HOMER1: variants seen among roughly 807,000 people sequenced by gnomAD.
HOMER1 encodes homer protein homolog 1.
HOMER1 carries 3 observed loss-of-function variants against 48.9 expected under a neutral mutation model. The observed-to-expected ratio is 0.06, with a 90% CI of 0.03 to 0.16. The LOEUF (loss-of-function observed/expected upper bound fraction) is 0.16. HOMER1 is among the 10% of genes least tolerant of loss of function. HOMER1 has a pLI of 1.00. For synonymous variants in HOMER1, 134 were observed against 146.4 expected (o/e 0.92, Z 0.61); for missense variants, 247 against 411.4 (o/e 0.60, Z 3.46).
chr5:79,500,651 CAG>C (rs1752550903), intron 1 of HOMER1, among the ~76,000 whole-genome samples: 1 of 150,744 alleles, frequency 6.6e-6, no homozygotes, highest in South Asian at 2.1e-4. Flanking sequence ...TTTTCTGAGA[CAG>C]AGTTTCTCTG....
chr5:79,450,366 T>G (rs980118901), intron 3 of HOMER1, among the ~76,000 whole-genome samples: 9 of 152,210 alleles, frequency 5.9e-5, no homozygotes, highest in African/African-American at 2.2e-4. Flanking sequence ...GGTATAAACA[T>G]TACATGGCTT....
intron 1 of HOMER1, 57 bp from the exon 2 acceptor site, chr5:79,457,075 C>G (rs1751195223): frequency 6.6e-7 from 1 of 1,513,272 alleles, no homozygotes; most frequent in Admixed American, 1.7e-5. Context: ...TTTCACTAGA[C>G]AAGAGAACAT....
chr5:79,447,192 C>A, intron 3 of HOMER1, 47 bp from the exon 4 acceptor site: 1 of 1,148,798 alleles, frequency 8.7e-7, no homozygotes, highest in Non-Finnish European at 1.3e-6. Context: ...AAATAGGTCA[C>A]AGTGCCCACT....
At chr5:79,443,774 T>C (rs1256705974) in intron 4 of HOMER1, among the ~76,000 whole-genome samples, 1 of 152,180 alleles carries the variant, frequency 6.6e-6, no homozygotes, top group Non-Finnish European at 1.5e-5. Context: ...CTATTAAGGG[T>C]TGGAGCCCAG....
chr5:79,400,360 T>C (rs1302728425), intron 6 of HOMER1, among the ~76,000 whole-genome samples: 2 of 151,738 alleles, frequency 1.3e-5, no homozygotes, highest in African/African-American at 2.4e-5. Context: ...TCTTTCTTTT[T>C]TTTTTTTTTT....
intron 1 of HOMER1, among the ~76,000 whole-genome samples, chr5:79,503,532 G>GAAAAAAA (rs1561390633): frequency 1.1e-5 from 1 of 94,026 alleles, no homozygotes; most frequent in East Asian, 3.9e-4. Context: ...CTGTCACAAA[G>GAAAAAAA]AGAAAAAAAA....
At chr5:79,419,112 C>T (rs771630784) in intron 5 of HOMER1, among the ~76,000 whole-genome samples, 3 of 151,530 alleles carry the variant, frequency 2.0e-5, no homozygotes, top group Non-Finnish European at 2.9e-5. Flanking sequence ...GAAAGGATGT[C>T]TATATTTTTT....
intron 1 of HOMER1, among the ~76,000 whole-genome samples, chr5:79,503,359 G>A (rs955753930): frequency 8.7e-5 from 13 of 149,990 alleles, no homozygotes; most frequent in Admixed American, 1.3e-4. Flanking sequence ...ACGAAATCCC[G>A]TCTCTACTAA....
intron 1 of HOMER1, among the ~76,000 whole-genome samples, chr5:79,506,115 TA>T (rs1752759010): frequency 6.6e-6 from 1 of 152,052 alleles, no homozygotes; most frequent in African/African-American, 2.4e-5. Context: ...TTTATTTATT[TA>T]TTTATTTATT....
Position 79,500,995 on chromosome 5 carries a change from A to ACACACACAC in HOMER1, c.5+11774_5+11775insGTGTGTGTG, listed in dbSNP as rs1460147206. 3.0e-4 allele frequency among the ~76,000 whole-genome samples: 37 copies of ACACACACAC among 124,206 alleles called. No homozygotes were observed. In the East Asian group the frequency reaches 8.8e-3, roughly 29 times the overall value. 81.5% of individuals were successfully genotyped at this position (124,206 alleles called of 152,430 possible). ...ACACACACACACACACACACACACAAGGTCTGGCTCTATTACCCAGGCTGC... is the reference window on the plus strand; with the variant it reads ...ACACACACACACACACACACACACAACACACACACGGTCTGGCTCTATTACCCAGGCTGC... On this transcript the variant is annotated intron_variant, in intron 1 of 8. Coordinates refer to ENST00000334082, the MANE Select transcript of HOMER1 (RefSeq NM_004272.5).
intron 1 of HOMER1, among the ~76,000 whole-genome samples, chr5:79,484,890 C>A (rs541731685): frequency 1.8e-4 from 27 of 152,312 alleles, no homozygotes; most frequent in African/African-American, 6.5e-4. Flanking sequence ...CCCCACATTA[C>A]TACAATTCCC....
chr5:79,509,661 T>A (rs1429548152), intron 1 of HOMER1, among the ~76,000 whole-genome samples: 2 of 152,248 alleles, frequency 1.3e-5, no homozygotes, highest in Non-Finnish European at 2.9e-5. Flanking sequence ...TCATGCAACA[T>A]CCAAGATACT....
chr5:79,491,652 ACTGAACACTATCACAGCAGTT>A (rs1337214591), intron 1 of HOMER1, among the ~76,000 whole-genome samples: 1 of 152,110 alleles, frequency 6.6e-6, no homozygotes, highest in Non-Finnish European at 1.5e-5. Flanking sequence ...CTTCTTAACT[ACTGAACACTATCACAGCAGTT>A]CTGGAACTGC....
rs1194221703 is a variant in HOMER1, at chr5:79,372,756, T to C, written c.*3253A>G. 1 of 152,180 alleles carries C rather than the reference T, an allele frequency of 6.6e-6. No individual in the cohort carries two copies. The highest frequency in any genetic ancestry group is 1.5e-5 in the Non-Finnish European group (1 of 68,014). 9.4% of individuals were successfully genotyped at this position (152,180 alleles called of 1,614,324 possible). ...CAAGGAGATAAATGACCGAAGTGTA[T>C]ATGCTTCAGTTAAATAAAAACATGG... On this transcript the variant is annotated 3_prime_UTR_variant, in exon 9 of 9. Coordinates refer to ENST00000334082, the MANE Select transcript of HOMER1 (RefSeq NM_004272.5).
chr5:79,464,903 A>G (rs1290135814), intron 1 of HOMER1, among the ~76,000 whole-genome samples: 2 of 152,034 alleles, frequency 1.3e-5, no homozygotes, highest in African/African-American at 2.4e-5. Flanking sequence ...TACTGCAACA[A>G]CTCCACCTAG....
At chr5:79,392,197 C>A (rs1205840926) in intron 8 of HOMER1, among the ~76,000 whole-genome samples, 1 of 152,078 alleles carries the variant, frequency 6.6e-6, no homozygotes, top group Non-Finnish European at 1.5e-5. Context: ...AGAGTGTACT[C>A]CTTCTACTTA....
intron 5 of HOMER1, among the ~76,000 whole-genome samples, chr5:79,430,879 A>G (rs6889296): frequency 0.31 from 47,141 of 151,816 alleles, 9,174 homozygotes; most frequent in East Asian, 0.75. Context: ...GGAGGTTGCA[A>G]TGAGCTGAGA....
chr5:79,384,195 C>A (rs1749051676), intron 8 of HOMER1, among the ~76,000 whole-genome samples: 1 of 145,764 alleles, frequency 6.9e-6, no homozygotes, highest in East Asian at 2.0e-4. Context: ...AAAAATAAAA[C>A]AAAAAAATAA....
At chr5:79,395,705 T>C (rs773181109) in intron 8 of HOMER1, among the ~76,000 whole-genome samples, 10 of 152,256 alleles carry the variant, frequency 6.6e-5, no homozygotes, top group Non-Finnish European at 1.5e-5. Flanking sequence ...ATAATGTATT[T>C]TGACCATTAT....
Sources: allele counts gnomAD v4.1 joint callset (sites outside exome capture counted in the v4.1 genomes callset), GRCh38; gene constraint gnomAD v4.1.1; transcripts MANE v1.5; gene names NCBI Gene and HGNC (gene_info 2026-07-23, HGNC 2026-07-21).